Variants in EYA4 observed in about 807,000 individuals in gnomAD.
EYA4 encodes EYA transcriptional coactivator and phosphatase 4.
A neutral mutation model predicts 87.9 loss-of-function variants in EYA4; 31 were observed. The ratio of observed to expected loss-of-function variants is 0.35; its 90% CI spans 0.27 to 0.48. EYA4 has a LOEUF of 0.48. Among genes scored for constraint, EYA4 ranks in the 20% least tolerant of loss-of-function variants. EYA4 has a pLI of 0.99. For synonymous variants in EYA4, 263 were observed against 270.6 expected (o/e 0.97, Z 0.28); for missense variants, 678 against 761.4 (o/e 0.89, Z 1.29).
intron 11 of EYA4, 106 bp from the exon 12 acceptor site, chr6:133,481,356 CA>C (rs772045562): frequency 2.0e-5 from 22 of 1,090,690 alleles, no homozygotes; most frequent in Non-Finnish European, 3.1e-5. Flanking sequence ...TTTTTGCCAT[CA>C]GGAGGTTTCT....
At chr6:133,407,447 C>T (rs1219955884) in intron 3 of EYA4, among the ~76,000 whole-genome samples, 1 of 152,090 alleles carries the variant, frequency 6.6e-6, no homozygotes, top group African/African-American at 2.4e-5. Context: ...GTTACTCACT[C>T]ACCCCCGCCT....
chr6:133,515,468 G>A (rs775736578), intron 17 of EYA4, 33 bp downstream of exon 17: 33 of 1,191,728 alleles, frequency 2.8e-5, no homozygotes, highest in Admixed American at 8.4e-5. Flanking sequence ...TATGTGTATC[G>A]TATTGAAGAT....
intron 13 of EYA4, among the ~76,000 whole-genome samples, chr6:133,483,385 T>TA (rs1796394708): frequency 2.6e-5 from 4 of 152,012 alleles, no homozygotes; most frequent in African/African-American, 7.3e-5. Flanking sequence ...CATAATTATT[T>TA]TAGAAAAAAA....
chr6:133,248,694 T>TTA (rs1774624872), intron 1 of EYA4: 1 of 152,222 alleles, frequency 6.6e-6, no homozygotes, highest in East Asian at 1.9e-4. Context: ...AAATGTATAT[T>TTA]CATGTGCGGT....
intron 2 of EYA4, among the ~76,000 whole-genome samples, chr6:133,333,033 A>G (rs1042776883): frequency 6.6e-6 from 1 of 152,032 alleles, no homozygotes; most frequent in African/African-American, 2.4e-5. Context: ...ATATTCTCTC[A>G]TGACATCCAT....
chr6:133,324,487 T>G (rs974965559), intron 2 of EYA4, among the ~76,000 whole-genome samples: 7 of 152,192 alleles, frequency 4.6e-5, no homozygotes, highest in Non-Finnish European at 4.4e-5. Context: ...TTTCAAGTAT[T>G]TATTATTTTA....
At chr6:133,446,805 T>C in intron 4 of EYA4, 51 bp downstream of exon 4, 1 of 1,564,720 alleles carries the variant, frequency 6.4e-7, no homozygotes, top group Non-Finnish European at 8.8e-7. Flanking sequence ...ATGTTTGCTT[T>C]AATTTTACTT....
At chr6:133,424,515 C>G (rs1562403908) in intron 3 of EYA4, among the ~76,000 whole-genome samples, 2 of 152,180 alleles carry the variant, frequency 1.3e-5, no homozygotes, top group Non-Finnish European at 2.9e-5. Context: ...AAACACCCCC[C>G]CCCCAGCCTA....
At chr6:133,449,357 T>C (rs1793174139) in intron 5 of EYA4, among the ~76,000 whole-genome samples, 1 of 152,220 alleles carries the variant, frequency 6.6e-6, no homozygotes, top group Non-Finnish European at 1.5e-5. Context: ...TTTTTAAACA[T>C]TTAATATGTA....
rs527473329 is a variant in EYA4 at position 133,311,569 on chromosome 6, T to TCAGCCTCCCAAAATGCTGAGATTA, written c.33+36760_33+36783dup. 4.2e-3 allele frequency among the ~76,000 whole-genome samples: 636 copies of TCAGCCTCCCAAAATGCTGAGATTA among 152,208 alleles called. 2 individuals are homozygous for TCAGCCTCCCAAAATGCTGAGATTA. The highest frequency in any genetic ancestry group is 0.015 in the African/African-American group (609 of 41,536). On this transcript the variant is annotated intron_variant, in intron 2 of 19. Transcript: ENST00000355286. ...CCTGGGCTCAAGCACTCCTCTTGGT[T>TCAGCCTCCCAAAATGCTGAGATTA]CAGCCTCCCAAAATGCTGAGATTAC... is the stretch of plus-strand genomic sequence containing the variant.
intron 1 of EYA4, among the ~76,000 whole-genome samples, chr6:133,268,317 A>G (rs1357727011): frequency 6.6e-6 from 1 of 152,196 alleles, no homozygotes; most frequent in Non-Finnish European, 1.5e-5. Flanking sequence ...TCAGAAATGC[A>G]AAGGTTTTGC....
intron 3 of EYA4, among the ~76,000 whole-genome samples, chr6:133,444,567 GT>G (rs1583295908): frequency 6.6e-6 from 1 of 152,174 alleles, no homozygotes; most frequent in African/African-American, 2.4e-5. Context: ...TGCAGCAAAG[GT>G]CTCAGCTAGT....
intron 13 of EYA4, among the ~76,000 whole-genome samples, chr6:133,504,555 A>T (rs1449122627): frequency 6.6e-6 from 1 of 152,198 alleles, no homozygotes; most frequent in Admixed American, 6.5e-5. Flanking sequence ...CTCATACCCC[A>T]GTGACCCCTT....
intron 3 of EYA4, among the ~76,000 whole-genome samples, chr6:133,394,372 C>A (rs1583162949): frequency 8.1e-6 from 1 of 123,644 alleles, no homozygotes; most frequent in African/African-American, 3.2e-5. Flanking sequence ...TTATATCAAA[C>A]AAATACTTGT....
At chr6:133,341,409 A>C (rs1782768365) in intron 2 of EYA4, among the ~76,000 whole-genome samples, 2 of 152,248 alleles carry the variant, frequency 1.3e-5, no homozygotes, top group Non-Finnish European at 2.9e-5. Context: ...GTAGGTACGC[A>C]GGAATAAAGC....
chr6:133,428,350 A>C (rs78972730), intron 3 of EYA4, among the ~76,000 whole-genome samples: 9,027 of 152,248 alleles, frequency 0.059, 464 homozygotes, highest in East Asian at 0.23. Context: ...GCTGCAGATA[A>C]GGACAGCAGA....
At chr6:133,447,871 G>A (rs528857798) in intron 4 of EYA4, among the ~76,000 whole-genome samples, 2 of 152,196 alleles carry the variant, frequency 1.3e-5, no homozygotes, top group East Asian at 3.9e-4. Flanking sequence ...CTTAAATTGG[G>A]TACAAATAAT....
chr6:133,415,952 G>A (rs1383362829), intron 3 of EYA4, among the ~76,000 whole-genome samples: 2 of 152,198 alleles, frequency 1.3e-5, no homozygotes, highest in African/African-American at 4.8e-5. Context: ...AACACTTCCA[G>A]CAAATGGTAA....
intron 2 of EYA4, among the ~76,000 whole-genome samples, chr6:133,306,369 C>G (rs1371087837): frequency 1.3e-5 from 2 of 152,130 alleles, no homozygotes; most frequent in African/African-American, 4.8e-5. Flanking sequence ...ATGTGAAAAA[C>G]TGGGGTTCTG....
Sources: gnomAD v4.1 joint callset for allele counts (sites outside exome capture counted in the v4.1 genomes callset) on GRCh38, gnomAD v4.1.1 for gene constraint, MANE v1.5 for transcripts, NCBI Gene and HGNC (gene_info 2026-07-23, HGNC 2026-07-21) for gene names.